RGS7: variants seen among roughly 807,000 people sequenced by gnomAD.
The protein encoded by RGS7 is regulator of G-protein signaling 7.
A neutral mutation model predicts 81.1 loss-of-function variants in RGS7; 27 were observed. The observed-to-expected ratio is 0.33, with a 90% CI of 0.25 to 0.46. The LOEUF (loss-of-function observed/expected upper bound fraction) is 0.46, where lower values mean the gene tolerates loss of function less well. Among genes scored for constraint, RGS7 ranks in the 20% least tolerant of loss-of-function variants. The pLI is 1.00. For synonymous variants in RGS7, 208 were observed against 207.7 expected, an observed-to-expected ratio of 1.00 and a Z score of -0.01; for missense variants, 396 against 607.4, an observed-to-expected ratio of 0.65 and a Z score of 3.66.
Position 241,122,139 on chromosome 1 carries a change from C to G in RGS7, c.79-23377G>C, listed in dbSNP as rs376332547. On this transcript the variant is annotated intron_variant, in intron 2 of 18. Transcript: ENST00000440928. Reference sequence around the variant, plus strand: ...TCAGTGACATTGTTCAGTAAGTTCACGCAAAAGTAATTCAACCCTTGGCAC... The same window carrying G: ...TCAGTGACATTGTTCAGTAAGTTCAGGCAAAAGTAATTCAACCCTTGGCAC... Among the ~76,000 whole-genome samples the G allele has an allele frequency of 3.3e-4, 51 of 152,280 alleles. 3 individuals carry two copies. The South Asian group carries it at 9.9e-3, about 30-fold the overall frequency.
intron 2 of RGS7, among the ~76,000 whole-genome samples, chr1:241,245,542 C>T (rs1370899376): frequency 2.6e-5 from 4 of 151,484 alleles, no homozygotes; most frequent in African/African-American, 9.7e-5. Flanking sequence ...GGCACAGTGG[C>T]TCACGCCTAT....
chr1:240,950,319 A>T (rs2148433071), intron 4 of RGS7, among the ~76,000 whole-genome samples: 1 of 152,292 alleles, frequency 6.6e-6, no homozygotes, highest in Non-Finnish European at 1.5e-5. Flanking sequence ...TCATTGCGAA[A>T]AATGCCCAGA....
At chr1:241,095,846 C>A (rs371950919) in intron 3 of RGS7, among the ~76,000 whole-genome samples, 5 of 152,108 alleles carry the variant, frequency 3.3e-5, no homozygotes, top group Admixed American at 3.3e-4. Context: ...AGTCATTCTA[C>A]GGTGGCATAG....
intron 2 of RGS7, among the ~76,000 whole-genome samples, chr1:241,177,894 C>T (rs1041692007): frequency 1.3e-5 from 2 of 151,978 alleles, no homozygotes; most frequent in African/African-American, 2.4e-5. Context: ...AAAGGAGGGT[C>T]GAGAAGAATC....
intron 6 of RGS7, among the ~76,000 whole-genome samples, chr1:240,881,919 CT>C (rs5782168): frequency 8.1e-4 from 118 of 145,748 alleles, no homozygotes; most frequent in Admixed American, 6.8e-4. Flanking sequence ...CTATAAAAAT[CT>C]TTTTTTTTTT....
chr1:241,068,257 T>TATATATATATATATA (rs1433690559), intron 3 of RGS7, among the ~76,000 whole-genome samples: 3 of 73,268 alleles, frequency 4.1e-5, no homozygotes, highest in East Asian at 8.1e-4. Context: ...TATATATATA[T>TATATATATATATATA]AAAATATTGT....
At chr1:241,315,004 T>C (rs926325868) in intron 2 of RGS7, among the ~76,000 whole-genome samples, 9 of 151,832 alleles carry the variant, frequency 5.9e-5, no homozygotes, top group African/African-American at 2.2e-4. Context: ...GGGAACTTAT[T>C]GATGTTGAAG....
intron 2 of RGS7, among the ~76,000 whole-genome samples, chr1:241,243,315 T>C (rs1281270084): frequency 6.6e-6 from 1 of 152,196 alleles, no homozygotes; most frequent in Non-Finnish European, 1.5e-5. Flanking sequence ...TGGAAAGCAA[T>C]CTAGACATTA....
chr1:241,265,783 G>A (rs978422775), intron 2 of RGS7, among the ~76,000 whole-genome samples: 14 of 131,452 alleles, frequency 1.1e-4, no homozygotes, highest in South Asian at 7.3e-4. Flanking sequence ...CCTTTTCCTC[G>A]TCCTTTTTTT....
At chr1:241,308,179 T>C (rs1428694891) in intron 2 of RGS7, among the ~76,000 whole-genome samples, 1 of 151,958 alleles carries the variant, frequency 6.6e-6, no homozygotes, top group African/African-American at 2.4e-5. Flanking sequence ...GAGGGGGACA[T>C]TGAGTGTTTT....
intron 2 of RGS7, among the ~76,000 whole-genome samples, chr1:241,306,942 A>C (rs1012828225): frequency 6.6e-6 from 1 of 152,244 alleles, no homozygotes; most frequent in African/African-American, 2.4e-5. Context: ...AATCACACTA[A>C]CAACCAGGTA....
intron 3 of RGS7, among the ~76,000 whole-genome samples, chr1:241,037,009 A>C (rs1481217281): frequency 6.6e-6 from 1 of 152,214 alleles, no homozygotes; most frequent in African/African-American, 2.4e-5. Context: ...GACTAGGGAC[A>C]TAGGTTTAAG....
chr1:240,944,250 GTTATA>G (rs1678104704), intron 4 of RGS7, among the ~76,000 whole-genome samples: 1 of 126,720 alleles, frequency 7.9e-6, no homozygotes, highest in Admixed American at 8.4e-5. Flanking sequence ...ACAAGATTCT[GTTATA>G]TTATATGTGT....
At chr1:240,826,878 T>C (rs112678801) in intron 10 of RGS7, among the ~76,000 whole-genome samples, 1 of 152,260 alleles carries the variant, frequency 6.6e-6, no homozygotes, top group African/African-American at 2.4e-5. Flanking sequence ...TTAGAAATCC[T>C]GTTCCTCTCG....
intron 6 of RGS7, among the ~76,000 whole-genome samples, chr1:240,877,687 T>C (rs1482814719): frequency 6.6e-6 from 1 of 152,244 alleles, no homozygotes; most frequent in African/African-American, 2.4e-5. Context: ...ATTATTTTGC[T>C]ATTATATGCT....
Position 240,776,135 on chromosome 1 carries a change from T to A in RGS7, c.*85A>T, listed in dbSNP as rs1271602805. 3 of 1,568,374 alleles carry A rather than the reference T, an allele frequency of 1.9e-6. No homozygotes were observed. The highest frequency in any genetic ancestry group is 2.6e-6 in the Non-Finnish European group (3 of 1,138,472). On this transcript the variant is annotated 3_prime_UTR_variant, in exon 19 of 19. Coordinates refer to ENST00000440928, the MANE Select transcript of RGS7 (RefSeq NM_001364886.1). Reference sequence around the variant, plus strand: ...TACAAAGTGTGTGCAGTGACTCCAGTCTGCATTCATGCTACAAGATGATCC... The same window carrying A: ...TACAAAGTGTGTGCAGTGACTCCAGACTGCATTCATGCTACAAGATGATCC...
rs913150722 is a variant in RGS7 at position 241,271,109 on chromosome 1, G to A, written c.78+84590C>T. On this transcript the variant is annotated intron_variant, in intron 2 of 18. Transcript: ENST00000440928. The surrounding 1 kb of genome is among the most constrained non-coding windows in gnomAD (Gnocchi z 4.6). Reference sequence around the variant, plus strand: ...AGTGGCGAAAGCATTCATCATTGCCGACCTGTGTGGAATGTGAACCTGAGT... The same window carrying A: ...AGTGGCGAAAGCATTCATCATTGCCAACCTGTGTGGAATGTGAACCTGAGT... 6.6e-6 allele frequency among the ~76,000 whole-genome samples: 1 copy of A among 152,162 alleles called. No homozygotes were observed. The highest frequency in any genetic ancestry group is 1.5e-5 in the Non-Finnish European group (1 of 68,036).
chr1:240,827,517 A>G (rs956112357), intron 9 of RGS7, among the ~76,000 whole-genome samples: 8 of 152,096 alleles, frequency 5.3e-5, no homozygotes, highest in Admixed American at 3.3e-4. Flanking sequence ...ACAAAGAGAT[A>G]CCCCTTGCTG....
intron 7 of RGS7, among the ~76,000 whole-genome samples, chr1:240,869,747 C>A (rs1316574296): frequency 6.6e-6 from 1 of 151,978 alleles, no homozygotes; most frequent in Non-Finnish European, 1.5e-5. Context: ...CAAGACCAGC[C>A]TGGCCAACAT....
Sources: allele counts gnomAD v4.1 joint callset (sites outside exome capture counted in the v4.1 genomes callset), GRCh38; gene constraint gnomAD v4.1.1; non-coding constraint Gnocchi (gnomAD v3.1); transcripts MANE v1.5; gene names NCBI Gene and HGNC (gene_info 2026-07-23, HGNC 2026-07-21).